CRMP1: variants seen among roughly 807,000 people sequenced by gnomAD.
CRMP1 encodes collapsin response mediator protein 1.
CRMP1 carries 19 observed loss-of-function variants against 68.3 expected under a neutral mutation model. The observed-to-expected ratio is 0.28, with a 90% CI of 0.19 to 0.41. CRMP1 has a LOEUF of 0.41. Among genes scored for constraint, CRMP1 ranks in the 10% least tolerant of loss-of-function variants. The probability of loss-of-function intolerance (pLI) is 1.00; values close to 1 mark genes in which losing one functional copy is unlikely to be tolerated. For synonymous variants in CRMP1, 439 were observed against 399.6 expected, an observed-to-expected ratio of 1.10 and a Z score of -1.18; for missense variants, 791 against 967.4, an observed-to-expected ratio of 0.82 and a Z score of 2.42.
At chr4:5,875,711 T>C (rs1169532621) in intron 1 of CRMP1, among the ~76,000 whole-genome samples, 3 of 146,280 alleles carry the variant, frequency 2.1e-5, no homozygotes, top group African/African-American at 5.1e-5. Flanking sequence ...GAGGAACAGG[T>C]GGGGGTTGGT....
chr4:5,833,982 C>G (rs1050030880), intron 11 of CRMP1, among the ~76,000 whole-genome samples: 1 of 152,130 alleles, frequency 6.6e-6, no homozygotes, highest in Non-Finnish European at 1.5e-5. Flanking sequence ...GGAGGCGGAG[C>G]TTGCAGTGAG....
chr4:5,875,396 T>C (rs1714735923), intron 1 of CRMP1, among the ~76,000 whole-genome samples: 1 of 43,172 alleles, frequency 2.3e-5, no homozygotes, highest in Non-Finnish European at 4.4e-5. Context: ...GTCTAGATTT[T>C]AGAAAAAAAA....
At chr4:5,875,714 G>C (rs1279051052) in intron 1 of CRMP1, among the ~76,000 whole-genome samples, 1 of 144,266 alleles carries the variant, frequency 6.9e-6, no homozygotes, top group African/African-American at 2.6e-5. Context: ...GAACAGGTGG[G>C]GGTTGGTGCT....
At chr4:5,822,402 C>T (rs1020788041) in intron 13 of CRMP1, among the ~76,000 whole-genome samples, 1 of 150,808 alleles carries the variant, frequency 6.6e-6, no homozygotes, top group African/African-American at 2.4e-5. Context: ...TGTGTGTACA[C>T]ATTTGTATAT....
At position 5,890,166 on chromosome 4, in the gene CRMP1, G is replaced by A. The variant is rs112417572; in HGVS notation, c.381+2423C>T. 98 of 183,214 alleles carry A rather than the reference G, an allele frequency of 5.3e-4. No individual in the cohort carries two copies. Among genetic ancestry groups the A allele is most frequent in the African/African-American group, 2.1e-3 (91 of 43,180 alleles). 11.3% of individuals were successfully genotyped at this position (183,214 alleles called of 1,614,324 possible). On this transcript the variant is annotated intron_variant, in intron 1 of 13. Coordinates refer to ENST00000324989, the MANE Select transcript of CRMP1 (RefSeq NM_001014809.3). The surrounding 1 kb of genome is among the most constrained non-coding windows in gnomAD (Gnocchi z 5.5). Reference sequence around the variant, plus strand: ...CTCCTACACTCCCTTCCTTGGAGTTGTTAAGTCCTAGGTTCCCCGTACCAG... The same window carrying A: ...CTCCTACACTCCCTTCCTTGGAGTTATTAAGTCCTAGGTTCCCCGTACCAG...
At chr4:5,874,415 A>C (rs1441859324) in intron 1 of CRMP1, among the ~76,000 whole-genome samples, 1 of 152,156 alleles carries the variant, frequency 6.6e-6, no homozygotes, top group African/African-American at 2.4e-5. Flanking sequence ...GTCCACACCC[A>C]TGATCTAACC....
At position 5,892,622 on chromosome 4, in the gene CRMP1, G is replaced by T; in HGVS notation, c.348C>A (p.Pro116=). The change falls in exon 1 of 14, where the codon CCC becomes CCA. Residue 116 remains proline (P), a synonymous_variant. Transcript: ENST00000324989. The surrounding 1 kb of genome is among the most constrained non-coding windows in gnomAD (Gnocchi z 8.6). Reference sequence around the variant, plus strand: ...TGTCCCGGCCGAGGGGCAGGTCGCGGGGCGCGGGGCGGCGGATGCGCAGCG... The same window carrying T: ...TGTCCCGGCCGAGGGGCAGGTCGCGTGGCGCGGGGCGGCGGATGCGCAGCG... ...PPTLRIRRPA[P]RDLPLGRDNG... The T allele has an allele frequency of 8.4e-7, 1 of 1,190,302 alleles. No individual in the cohort carries two copies. Among genetic ancestry groups the T allele is most frequent in the Non-Finnish European group, 1.0e-6 (1 of 961,274 alleles). 73.7% of individuals were successfully genotyped at this position (1,190,302 alleles called of 1,614,324 possible).
intron 6 of CRMP1, among the ~76,000 whole-genome samples, chr4:5,848,357 A>G (rs868255954): frequency 7.2e-5 from 11 of 151,946 alleles, no homozygotes; most frequent in African/African-American, 2.4e-4. Context: ...ACACCCAGCT[A>G]ATTTTTGTAT....
Position 5,825,843 on chromosome 4 carries a change from TCATACACACAAGCATG to T in CRMP1, c.1804-200_1804-185del, listed in dbSNP as rs1719492049. The T allele has an allele frequency of 1.7e-6, 1 of 604,168 alleles. No individual in the cohort carries two copies. 37.4% of individuals were successfully genotyped at this position (604,168 alleles called of 1,614,324 possible). A position where few individuals can be genotyped will look rare whatever the true frequency, so the allele number is the denominator to read the frequency against. ...CACACATGCAGCCGCACACAGGCAT[TCATACACACAAGCATG>T]CATACACACACATCTACATACCCAC... On this transcript the variant is annotated intron_variant, in intron 12 of 13. Coordinates refer to ENST00000324989, the MANE Select transcript of CRMP1 (RefSeq NM_001014809.3). The surrounding 1 kb of genome is among the most constrained non-coding windows in gnomAD (Gnocchi z 4.4).
At position 5,838,005 on chromosome 4, in the gene CRMP1, T is replaced by A. The variant is rs1232548895; in HGVS notation, c.1311-1099A>T. Among the ~76,000 whole-genome samples, 1 of 151,514 alleles carries A rather than the reference T, an allele frequency of 6.6e-6. No homozygotes were observed. The highest frequency in any genetic ancestry group is 2.1e-4 in the South Asian group (1 of 4,784). The stretch of plus-strand genomic sequence containing the variant: ...ATGGGGCACATGGGCGCTGTTAGAG[T>A]GAGTGTCAGGGATTCAACCAAAGCA... On this transcript the variant is annotated intron_variant, in intron 9 of 13. Coordinates refer to ENST00000324989, the MANE Select transcript of CRMP1 (RefSeq NM_001014809.3). The surrounding 1 kb of genome is among the most constrained non-coding windows in gnomAD (Gnocchi z 4.9).
intron 10 of CRMP1, 148 bp downstream of exon 10, chr4:5,836,617 T>A: frequency 1.9e-6 from 2 of 1,071,590 alleles, no homozygotes; most frequent in East Asian, 4.8e-5. Context: ...TCTCAAGTTA[T>A]GCGTTCCCTC....
intron 9 of CRMP1, among the ~76,000 whole-genome samples, 181 bp from the exon 10 acceptor site, chr4:5,837,087 G>A (rs1267736356): frequency 2.6e-5 from 4 of 152,228 alleles, no homozygotes; most frequent in Admixed American, 2.6e-4. Context: ...CCCCATTTAT[G>A]TCACTGGCCT....
At position 5,854,399 on chromosome 4, in the gene CRMP1, GTTTTTTTTTT is replaced by G. The variant is rs35551598; in HGVS notation, c.820+1734_820+1743del. Among the ~76,000 whole-genome samples the G allele has an allele frequency of 4.2e-5, 3 of 70,860 alleles. No individual in the cohort carries two copies. Among genetic ancestry groups the G allele is most frequent in the African/African-American group, 1.8e-4 (3 of 16,516 alleles). 46.5% of individuals were successfully genotyped at this position (70,860 alleles called of 152,430 possible). On this transcript the variant is annotated intron_variant, in intron 4 of 13. Coordinates refer to ENST00000324989, the MANE Select transcript of CRMP1 (RefSeq NM_001014809.3). The surrounding 1 kb of genome is among the most constrained non-coding windows in gnomAD (Gnocchi z 4.0). ...GGCGTACACCACCACTCCTGGCTATGTTTTTTTTTTTTTTTTTTTTTTTTTAATAGAGTCG... is the reference window on the plus strand; with the variant it reads ...GGCGTACACCACCACTCCTGGCTATGTTTTTTTTTTTTTTTAATAGAGTCG...
chr4:5,825,528 G>C lies in CRMP1; in HGVS notation c.1935C>G (p.Ile645Met). The C allele has an allele frequency of 6.3e-7, 1 of 1,581,072 alleles. No homozygotes were observed. The highest frequency in any genetic ancestry group is 1.4e-5 in the African/African-American group (1 of 72,582). Residue 645 changes from isoleucine to methionine, a missense_variant, in exon 13 of 14, where the codon ATC becomes ATG. Transcript: ENST00000324989. This position sits in a 1 kb window ranked among gnomAD's most constrained non-coding sequence, Gnocchi z 4.4. Reference sequence around the variant, plus strand: ...TGAAGTTGGACTGGTGGAGGTTTCTGATGGGTGGGGGCTGGTGTTTAGAAG... The same window carrying C: ...TGAAGTTGGACTGGTGGAGGTTTCTCATGGGTGGGGGCTGGTGTTTAGAAG... ...SSPSKHQPPP[I>M]RNLHQSNFSL...
Position 5,821,755 on chromosome 4 carries a change from C to T in CRMP1, c.*5G>A. On this transcript the variant is annotated 3_prime_UTR_variant, in exon 14 of 14. Transcript: ENST00000324989. The surrounding 1 kb of genome is among the most constrained non-coding windows in gnomAD (Gnocchi z 4.4). ...CTTCAGGCTAGCTCCTCCGCGCATC[C>T]ACGTTCAACCGAGGCTGGTGATGTT... 1 of 1,606,098 alleles carries T rather than the reference C, an allele frequency of 6.2e-7. No homozygotes were observed.
In CRMP1 at chr4:5,887,922, G is replaced by C. The variant is rs181820070; in HGVS notation, c.381+4667C>G. The stretch of plus-strand genomic sequence containing the variant: ...ACCCCTGCCCCTCCCTCTTTTGTTC[G>C]GCTCCGCATCCTCCCTGTCCACGCC... On this transcript the variant is annotated intron_variant, in intron 1 of 13. Coordinates refer to ENST00000324989, the MANE Select transcript of CRMP1 (RefSeq NM_001014809.3). The C allele has an allele frequency of 4.5e-4, 281 of 630,384 alleles. 1 individual carries two copies. In the African/African-American group the frequency reaches 5.1e-3, roughly 11 times the overall value. The allele number at this position is 630,384 out of a possible 1,614,324, so 39.0% of individuals were successfully genotyped here.
intron 1 of CRMP1, chr4:5,887,506 C>T: frequency 2.0e-6 from 2 of 985,010 alleles, no homozygotes; most frequent in Non-Finnish European, 2.4e-6. Flanking sequence ...CACCCCGAGA[C>T]AAAGCGTAAA....
rs1214967023 is a variant in CRMP1, at chr4:5,834,564, A to G, written c.1623+1351T>C. 1.3e-5 allele frequency among the ~76,000 whole-genome samples: 2 copies of G among 152,234 alleles called. No homozygotes were observed. The highest frequency in any genetic ancestry group is 3.9e-4 in the East Asian group (2 of 5,176). ...GAGCCACATAAATTTATTTTCTTAT[A>G]AATTACCCAGTCTGTGGTATCTATT... is the stretch of plus-strand genomic sequence containing the variant. On this transcript the variant is annotated intron_variant, in intron 11 of 13. Coordinates refer to ENST00000324989, the MANE Select transcript of CRMP1 (RefSeq NM_001014809.3). This position sits in a 1 kb window ranked among gnomAD's most constrained non-coding sequence, Gnocchi z 4.3.
At chr4:5,847,941 T>G (rs910968356) in intron 6 of CRMP1, among the ~76,000 whole-genome samples, 1 of 152,180 alleles carries the variant, frequency 6.6e-6, no homozygotes, top group African/African-American at 2.4e-5. Context: ...CTGGCTTGAT[T>G]TACAACATTA....
Sources: allele counts gnomAD v4.1 joint callset (sites outside exome capture counted in the v4.1 genomes callset), GRCh38; gene constraint gnomAD v4.1.1; non-coding constraint Gnocchi (gnomAD v3.1); transcripts MANE v1.5; gene names NCBI Gene and HGNC (gene_info 2026-07-23, HGNC 2026-07-21).